Variants in CDH13 observed in about 807,000 individuals in gnomAD.
The protein encoded by CDH13 is cadherin-13.
CDH13 carries 24 observed loss-of-function variants against 63.8 expected under a neutral mutation model. That is an observed-to-expected ratio of 0.38 (90% CI 0.27 to 0.53). The LOEUF is 0.53. CDH13 is among the 20% of genes least tolerant of loss of function. The pLI is 0.85. For missense variants in CDH13, 1,049 were observed against 903.1 expected, an observed-to-expected ratio of 1.16 and a Z score of -2.07; for synonymous variants, 503 against 355.3, an observed-to-expected ratio of 1.42 and a Z score of -4.67.
chr16:82,986,542 A>G (rs1187937695), intron 2 of CDH13, among the ~76,000 whole-genome samples: 1 of 152,194 alleles, frequency 6.6e-6, no homozygotes, highest in Non-Finnish European at 1.5e-5. Flanking sequence ...CCCGAGTGTT[A>G]TCTGGAATGT....
intron 3 of CDH13, among the ~76,000 whole-genome samples, chr16:83,057,528 A>G (rs1160456575): frequency 1.3e-5 from 2 of 152,066 alleles, no homozygotes; most frequent in East Asian, 3.8e-4. Context: ...CAAAAGTAGT[A>G]ATTGGATGAC....
chr16:83,045,110 G>T lies in CDH13; in HGVS notation c.366+12892G>T, dbSNP rs140710237. ...GATACTTGGTCACTGCCGGCTTTGC[G>T]GTCGGCATGACTCCTATTAGAGATT... is the stretch of plus-strand genomic sequence containing the variant. On this transcript the variant is annotated intron_variant, in intron 3 of 13. Coordinates refer to ENST00000567109, the MANE Select transcript of CDH13 (RefSeq NM_001257.5). Among the ~76,000 whole-genome samples the T allele has an allele frequency of 2.4e-4, 37 of 152,124 alleles. No homozygotes were observed. The East Asian group carries it at 6.4e-3, about 26-fold the overall frequency.
At chr16:83,590,979 T>C (rs913378910) in intron 7 of CDH13, among the ~76,000 whole-genome samples, 1 of 148,836 alleles carries the variant, frequency 6.7e-6, no homozygotes, top group Non-Finnish European at 1.5e-5. Flanking sequence ...GGCGTGATCT[T>C]AGCACACCGC....
chr16:83,128,313 C>T (rs536774201), intron 4 of CDH13, among the ~76,000 whole-genome samples: 8 of 152,268 alleles, frequency 5.3e-5, no homozygotes, highest in African/African-American at 1.9e-4. Flanking sequence ...ACATTAGCAT[C>T]GCCTGGGAGC....
chr16:83,034,681 T>G (rs1916687446), intron 3 of CDH13, among the ~76,000 whole-genome samples: 1 of 152,232 alleles, frequency 6.6e-6, no homozygotes, highest in Admixed American at 6.5e-5. Flanking sequence ...GGCTCATCTT[T>G]CTATCTGGAA....
chr16:82,632,949 C>G (rs1430094131), intron 1 of CDH13, among the ~76,000 whole-genome samples: 1 of 152,136 alleles, frequency 6.6e-6, no homozygotes, highest in African/African-American at 2.4e-5. Context: ...CATGCACGCA[C>G]ACAGTTCACA....
At chr16:83,221,233 T>C (rs1000990494) in intron 5 of CDH13, among the ~76,000 whole-genome samples, 4 of 152,094 alleles carry the variant, frequency 2.6e-5, no homozygotes, top group African/African-American at 4.8e-5. Context: ...GGGAAGGGAG[T>C]TTGGCTGGCT....
intron 2 of CDH13, among the ~76,000 whole-genome samples, chr16:83,007,546 A>T (rs2151431572): frequency 6.6e-6 from 1 of 152,250 alleles, no homozygotes; most frequent in East Asian, 1.9e-4. Flanking sequence ...AAAATGTCTT[A>T]AGGCCGGGCT....
At chr16:83,028,325 G>T (rs967647204) in intron 2 of CDH13, among the ~76,000 whole-genome samples, 7 of 152,242 alleles carry the variant, frequency 4.6e-5, no homozygotes, top group African/African-American at 1.7e-4. Context: ...GTTAGAGAAA[G>T]TGAGCAAGTG....
intron 9 of CDH13, among the ~76,000 whole-genome samples, chr16:83,671,391 G>A (rs1389474649): frequency 1.3e-5 from 2 of 152,090 alleles, no homozygotes; most frequent in Non-Finnish European, 2.9e-5. Flanking sequence ...TGGGATTACA[G>A]CTGCCTGCCA....
chr16:83,665,927 C>G (rs1913906680), intron 8 of CDH13, among the ~76,000 whole-genome samples: 1 of 152,206 alleles, frequency 6.6e-6, no homozygotes, highest in Admixed American at 6.5e-5. Context: ...CAGGCAGCCT[C>G]ATCCTGAATG....
At chr16:83,110,059 A>G (rs1178865271) in intron 3 of CDH13, among the ~76,000 whole-genome samples, 1 of 152,248 alleles carries the variant, frequency 6.6e-6, no homozygotes, top group Non-Finnish European at 1.5e-5. Flanking sequence ...TTGACATTTT[A>G]GAGCAAATGG....
At position 83,648,075 on chromosome 16, in the gene CDH13, C is replaced by G. The variant is rs12927189; in HGVS notation, c.1102-22715C>G. 3.4e-3 allele frequency among the ~76,000 whole-genome samples: 516 copies of G among 152,230 alleles called. 2 individuals are homozygous for G. The highest frequency in any genetic ancestry group is 0.017 in the Middle Eastern group (5 of 294). On this transcript the variant is annotated intron_variant, in intron 8 of 13. Coordinates refer to ENST00000567109, the MANE Select transcript of CDH13 (RefSeq NM_001257.5). ...TGACTTAGAACCTCTTAAATATTCC[C>G]TCAAGGTGTGTTTGAATTTGTTGCT...
chr16:83,666,599 G>A (rs527817211), intron 8 of CDH13, among the ~76,000 whole-genome samples: 1 of 152,326 alleles, frequency 6.6e-6, no homozygotes, highest in East Asian at 1.9e-4. Flanking sequence ...ATGTCATAGA[G>A]TTCTCTCTGG....
intron 5 of CDH13, among the ~76,000 whole-genome samples, chr16:83,317,236 C>T (rs2090126451): frequency 6.6e-6 from 1 of 152,190 alleles, no homozygotes; most frequent in Admixed American, 6.5e-5. Context: ...ATCACTCATC[C>T]TGAACTCGAG....
In CDH13 at chr16:82,630,542, T is replaced by C. The variant is rs183652824; in HGVS notation, c.45+3405T>C. On this transcript the variant is annotated intron_variant, in intron 1 of 13. Transcript: ENST00000567109. ...AATCTGTTTACTTCCAGAAGTATCC[T>C]CTATGTGTTATAGTGAAATTGCCCA... Among the ~76,000 whole-genome samples the C allele has an allele frequency of 9.2e-5, 14 of 152,346 alleles. No homozygotes were observed. The East Asian group carries it at 2.7e-3, about 29-fold the overall frequency.
intron 6 of CDH13, among the ~76,000 whole-genome samples, chr16:83,438,693 C>A (rs942699236): frequency 6.6e-6 from 1 of 152,170 alleles, no homozygotes; most frequent in Non-Finnish European, 1.5e-5. Flanking sequence ...CCCACAAATC[C>A]CTGTTTTTAA....
intron 7 of CDH13, 68 bp downstream of exon 7, chr16:83,486,723 TG>T: frequency 6.9e-7 from 1 of 1,454,136 alleles, no homozygotes; most frequent in South Asian, 1.2e-5. Flanking sequence ...AGGGATGATG[TG>T]GGGCTCCAGT....
intron 3 of CDH13, among the ~76,000 whole-genome samples, chr16:83,070,005 T>C (rs1476506094): frequency 6.6e-6 from 1 of 152,042 alleles, no homozygotes; most frequent in East Asian, 1.9e-4. Flanking sequence ...TTTAAAAATT[T>C]CCCAAAATTT....
Sources: gnomAD v4.1 joint callset for allele counts (sites outside exome capture counted in the v4.1 genomes callset) on GRCh38, gnomAD v4.1.1 for gene constraint, MANE v1.5 for transcripts, NCBI Gene and HGNC (gene_info 2026-07-23, HGNC 2026-07-21) for gene names.